STT3B: variants seen among roughly 807,000 people sequenced by gnomAD.
STT3B encodes the protein dolichyl-diphosphooligosaccharide--protein glycosyltransferase subunit STT3B.
A neutral mutation model predicts 96.8 loss-of-function variants in STT3B; 29 were observed. That is an observed-to-expected ratio of 0.30 (90% confidence interval 0.22 to 0.41). The LOEUF is 0.41. Among genes scored for constraint, STT3B ranks in the 10% least tolerant of loss-of-function variants. The pLI, the probability that STT3B is intolerant of heterozygous loss-of-function variation, is 1.00. For synonymous variants in STT3B, 367 were observed against 360.0 expected (o/e 1.02, Z -0.22); for missense variants, 640 against 1,022.3 (o/e 0.63, Z 5.10).
At chr3:31,626,199 A>G in intron 13 of STT3B, 72 bp downstream of exon 13, 1 of 1,333,620 alleles carries the variant, frequency 7.5e-7, no homozygotes, top group Non-Finnish European at 1.1e-6. Flanking sequence ...CATCTTGCTA[A>G]TTGCATTGTA....
chr3:31,617,103 A>C, intron 7 of STT3B, 28 bp downstream of exon 7: 1 of 1,504,028 alleles, frequency 6.6e-7, no homozygotes, highest in Non-Finnish European at 9.0e-7. Flanking sequence ...TAGGGTGTGA[A>C]TATTGTCTAT....
At chr3:31,577,182 G>C (rs971883785) in intron 2 of STT3B, among the ~76,000 whole-genome samples, 11 of 151,900 alleles carry the variant, frequency 7.2e-5, no homozygotes, top group African/African-American at 2.7e-4. Context: ...TTCTAGCATA[G>C]GTTTGTTTTG....
chr3:31,618,010 G>T, intron 8 of STT3B, 22 bp downstream of exon 8: 1 of 1,520,186 alleles, frequency 6.6e-7, no homozygotes, highest in Non-Finnish European at 9.1e-7. Context: ...TACATTATTT[G>T]GCATCATATT....
rs1046274616 is a variant in STT3B at position 31,563,744 on chromosome 3, A to G, written c.315-12652A>G. Among the ~76,000 whole-genome samples, 4 of 152,196 alleles carry G rather than the reference A, an allele frequency of 2.6e-5. No individual in the cohort carries two copies. The South Asian group carries it at 8.3e-4, about 32-fold the overall frequency. On this transcript the variant is annotated intron_variant, in intron 1 of 15. Transcript: ENST00000295770. Reference sequence around the variant, plus strand: ...AGGATAGAGTTAGAAAAGTGGTGTGAATAGTGTTAGGATAGAGCCAGAACA... The same window carrying G: ...AGGATAGAGTTAGAAAAGTGGTGTGGATAGTGTTAGGATAGAGCCAGAACA...
At chr3:31,534,408 T>C (rs573709965) in intron 1 of STT3B, among the ~76,000 whole-genome samples, 153 of 152,090 alleles carry the variant, frequency 1.0e-3, no homozygotes, top group African/African-American at 3.4e-3. Flanking sequence ...TTTTTCCCCC[T>C]GAGTTAGGAT....
chr3:31,572,068 T>C (rs1216939505), intron 1 of STT3B, among the ~76,000 whole-genome samples: 1 of 98,224 alleles, frequency 1.0e-5, no homozygotes, highest in East Asian at 3.1e-4. Flanking sequence ...ATTAATATAT[T>C]AAATATATTA....
At chr3:31,573,419 A>C (rs1698201124) in intron 1 of STT3B, among the ~76,000 whole-genome samples, 1 of 152,160 alleles carries the variant, frequency 6.6e-6, no homozygotes, top group Non-Finnish European at 1.5e-5. Flanking sequence ...GTCTAGTTAA[A>C]AGATGATAGC....
At chr3:31,591,240 G>A (rs1008473270) in intron 3 of STT3B, among the ~76,000 whole-genome samples, 1 of 151,874 alleles carries the variant, frequency 6.6e-6, no homozygotes, top group African/African-American at 2.4e-5. Flanking sequence ...TTATCTCTAG[G>A]AATGTTGTCT....
intron 3 of STT3B, among the ~76,000 whole-genome samples, chr3:31,590,662 T>C (rs1003594935): frequency 1.3e-5 from 2 of 152,098 alleles, no homozygotes; most frequent in Non-Finnish European, 2.9e-5. Flanking sequence ...TTTAAGTATA[T>C]GGAGACTTGT....
chr3:31,568,421 TGAG>T (rs891396813), intron 1 of STT3B, among the ~76,000 whole-genome samples: 1 of 152,216 alleles, frequency 6.6e-6, no homozygotes, highest in African/African-American at 2.4e-5. Context: ...TTTGTTTTCT[TGAG>T]GAACCTCCAT....
intron 3 of STT3B, 49 bp from the exon 4 acceptor site, chr3:31,596,749 A>G (rs1698801393): frequency 6.9e-7 from 1 of 1,442,356 alleles, no homozygotes; most frequent in Non-Finnish European, 9.6e-7. Flanking sequence ...AAAATTCCGC[A>G]AGAACATTTG....
intron 5 of STT3B, among the ~76,000 whole-genome samples, chr3:31,605,875 C>T (rs1268592242): frequency 6.6e-6 from 1 of 152,114 alleles, no homozygotes; most frequent in Non-Finnish European, 1.5e-5. Context: ...TTTGGAACTT[C>T]CTAGAGACTT....
chr3:31,633,950 T>C (rs1033690944), intron 15 of STT3B, among the ~76,000 whole-genome samples: 2 of 152,178 alleles, frequency 1.3e-5, no homozygotes, highest in Non-Finnish European at 2.9e-5. Context: ...AGCTATCTTA[T>C]ATCATTGAAA....
chr3:31,600,932 A>G (rs890789883), intron 5 of STT3B, among the ~76,000 whole-genome samples: 1 of 152,032 alleles, frequency 6.6e-6, no homozygotes, highest in Non-Finnish European at 1.5e-5. Flanking sequence ...TTTCACTGTG[A>G]TGTTTAGCGG....
rs530651990 is a variant in STT3B, at chr3:31,563,201, C to G, written c.315-13195C>G. On this transcript the variant is annotated intron_variant, in intron 1 of 15. Transcript: ENST00000295770. ...TTTACTCGCTATTGTGGTTCCTCTC[C>G]ATAGATGAGACAAGTACCAGATACA... Among the ~76,000 whole-genome samples the G allele has an allele frequency of 3.3e-5, 5 of 152,280 alleles. No homozygotes were observed. In the South Asian group the frequency reaches 1.0e-3, roughly 32 times the overall value.
intron 1 of STT3B, among the ~76,000 whole-genome samples, chr3:31,571,928 C>CAT (rs933453256): frequency 1.3e-5 from 1 of 79,230 alleles, no homozygotes; most frequent in African/African-American, 3.3e-5. Context: ...GATTATATAT[C>CAT]ATATATATTA....
intron 7 of STT3B, 101 bp downstream of exon 7, chr3:31,617,176 T>C: frequency 3.3e-6 from 3 of 919,588 alleles, no homozygotes; most frequent in Non-Finnish European, 3.0e-6. Flanking sequence ...GACTACAAAG[T>C]GATTTTTTTC....
intron 9 of STT3B, 45 bp from the exon 10 acceptor site, chr3:31,622,052 G>A (rs1699441552): frequency 2.0e-6 from 3 of 1,525,348 alleles, no homozygotes; most frequent in Non-Finnish European, 2.7e-6. Flanking sequence ...AGTTTCCTGG[G>A]AACTTTTTCC....
At chr3:31,617,156 A>G (rs1480232457) in intron 7 of STT3B, 81 bp downstream of exon 7, 26 of 1,148,204 alleles carry the variant, frequency 2.3e-5, no homozygotes, top group Admixed American at 2.7e-5. Context: ...TAAAATCTGA[A>G]TAACAGCATG....
Sources: gnomAD v4.1 joint callset for allele counts (sites outside exome capture counted in the v4.1 genomes callset) on GRCh38, gnomAD v4.1.1 for gene constraint, MANE v1.5 for transcripts, NCBI Gene and HGNC (gene_info 2026-07-23, HGNC 2026-07-21) for gene names.